The following PLLP variants were observed in gnomAD, a reference collection of about 807,000 sequenced individuals.
PLLP encodes the protein plasmolipin, also known as plasma membrane proteolipid (plasmolipin).
In PLLP, 15 loss-of-function variants were observed where a neutral mutation model predicts 19.7. The observed-to-expected ratio is 0.76, with a 90% CI of 0.51 to 1.17. The LOEUF (loss-of-function observed/expected upper bound fraction) is 1.17, where lower values mean the gene tolerates loss of function less well. Among genes scored for constraint, PLLP ranks in the 50% most tolerant of loss-of-function variants. The probability of loss-of-function intolerance (pLI) is 0.00; values close to 1 mark genes in which losing one functional copy is unlikely to be tolerated. For synonymous variants in PLLP, 111 were observed against 116.3 expected (o/e 0.95, Z 0.29); for missense variants, 255 against 258.3 (o/e 0.99, Z 0.09).
intron 1 of PLLP, among the ~76,000 whole-genome samples, chr16:57,263,056 C>T (rs192192016): frequency 8.1e-4 from 124 of 152,324 alleles, no homozygotes; most frequent in African/African-American, 2.9e-3. Flanking sequence ...GTAAAAGCTG[C>T]TGAAAGGAAG....
chr16:57,274,129 G>A (rs531479686), intron 1 of PLLP, among the ~76,000 whole-genome samples: 130 of 151,966 alleles, frequency 8.6e-4, no homozygotes, highest in Non-Finnish European at 1.5e-3. Flanking sequence ...TGGGACAGGC[G>A]CACACAACCA....
At chr16:57,269,238 G>A (rs1322116816) in intron 1 of PLLP, among the ~76,000 whole-genome samples, 1 of 152,204 alleles carries the variant, frequency 6.6e-6, no homozygotes, top group Non-Finnish European at 1.5e-5. Context: ...CCCAAAGGGA[G>A]GGGTTTGACC....
chr16:57,270,754 T>C (rs1353330906), intron 1 of PLLP, among the ~76,000 whole-genome samples: 2 of 152,048 alleles, frequency 1.3e-5, no homozygotes, highest in Non-Finnish European at 2.9e-5. Flanking sequence ...ATGCCATGCA[T>C]TCCAGCATTC....
At chr16:57,280,107 G>A (rs185822681) in intron 1 of PLLP, among the ~76,000 whole-genome samples, 3 of 152,294 alleles carry the variant, frequency 2.0e-5, no homozygotes, top group Admixed American at 1.3e-4. Context: ...GGCCCCTGAT[G>A]AGTCTCCCTT....
At position 57,256,640 on chromosome 16, in the gene PLLP, A is replaced by C; in HGVS notation, c.*273T>G. 6.7e-6 allele frequency: 3 copies of C among 448,514 alleles called. No individual in the cohort carries two copies. The highest frequency in any genetic ancestry group is 8.1e-6 in the Non-Finnish European group (2 of 246,604). The allele number at this position is 448,514 out of a possible 1,614,324, so 27.8% of individuals were successfully genotyped here. A position where few individuals can be genotyped will look rare whatever the true frequency, so the allele number is the denominator to read the frequency against. On this transcript the variant is annotated 3_prime_UTR_variant, in exon 4 of 4. Coordinates refer to ENST00000219207, the MANE Select transcript of PLLP (RefSeq NM_015993.3). ...CTGAAGTCCTCTAAAGACAAGGCAGAGACACAGCCTCAGATCCCCCGTCAT... is the reference window on the plus strand; with the variant it reads ...CTGAAGTCCTCTAAAGACAAGGCAGCGACACAGCCTCAGATCCCCCGTCAT...
intron 1 of PLLP, among the ~76,000 whole-genome samples, chr16:57,278,575 C>A (rs1901181675): frequency 6.6e-6 from 1 of 152,098 alleles, no homozygotes; most frequent in South Asian, 2.1e-4. Flanking sequence ...AATTCCCAAA[C>A]ACTCAATACT....
chr16:57,259,987 A>AG (rs1233513207), intron 2 of PLLP, among the ~76,000 whole-genome samples: 2 of 152,032 alleles, frequency 1.3e-5, no homozygotes, highest in East Asian at 1.9e-4. Flanking sequence ...AAAAAAAAAA[A>AG]AAAAAAACTT....
intron 3 of PLLP, 93 bp downstream of exon 3, chr16:57,258,369 G>A: frequency 6.0e-6 from 8 of 1,329,578 alleles, no homozygotes; most frequent in Non-Finnish European, 8.3e-6. Flanking sequence ...CCCTCAGGAG[G>A]TGGCAGGTGC....
Position 57,258,595 on chromosome 16 carries a change from T to C in PLLP, c.310-11A>G, listed in dbSNP as rs375832373. The C allele has an allele frequency of 1.4e-5, 23 of 1,611,008 alleles. No homozygotes were observed. In the African/African-American group the frequency reaches 2.9e-4, roughly 21 times the overall value. ...GTTAAAGATCATTAACTGCAGGACA[T>C]GGGGGTAGGGAGTGGGGAGAGAAAA... On this transcript the variant is annotated splice_polypyrimidine_tract_variant and intron_variant, in intron 2 of 3. Coordinates refer to ENST00000219207, the MANE Select transcript of PLLP (RefSeq NM_015993.3).
intron 1 of PLLP, among the ~76,000 whole-genome samples, chr16:57,283,109 A>T (rs1901239404): frequency 6.6e-6 from 1 of 152,072 alleles, no homozygotes; most frequent in Non-Finnish European, 1.5e-5. Context: ...CCCACCCCCC[A>T]AAAGAGAAAC....
At position 57,284,524 on chromosome 16, in the gene PLLP, G is replaced by A; in HGVS notation, c.17C>T (p.Ser6Leu). Residue 6 changes from serine to leucine, a missense_variant, in exon 1 of 4, where the codon TCG becomes TTG. By Grantham distance (145) the Ser-to-Leu change is moderately radical. Coordinates refer to ENST00000219207, the MANE Select transcript of PLLP (RefSeq NM_015993.3). MAEFP[S>L]KVSTRTSSPA... ...ACTGCTGGTCCGCGTGCTAACTTTC[G>A]ACGGGAACTCGGCCATGGCGGCTCC... 1.4e-6 allele frequency: 2 copies of A among 1,389,266 alleles called. No individual in the cohort carries two copies. The highest frequency in any genetic ancestry group is 1.5e-5 in the African/African-American group (1 of 67,230). The allele number at this position is 1,389,266 out of a possible 1,614,324, so 86.1% of individuals were successfully genotyped here.
At chr16:57,272,813 C>G (rs1022373933) in intron 1 of PLLP, among the ~76,000 whole-genome samples, 4 of 152,038 alleles carry the variant, frequency 2.6e-5, no homozygotes, top group African/African-American at 9.7e-5. Flanking sequence ...ACAAAATTAG[C>G]CAGGCATGGG....
chr16:57,262,150 A>G, intron 1 of PLLP, 80 bp from the exon 2 acceptor site: 1 of 1,393,852 alleles, frequency 7.2e-7, no homozygotes, highest in South Asian at 1.2e-5. Context: ...GGCCAGGCAC[A>G]GTGGCTCATG....
chr16:57,281,195 G>A (rs1369006330), intron 1 of PLLP, among the ~76,000 whole-genome samples: 15 of 152,320 alleles, frequency 9.8e-5, no homozygotes. Context: ...AAAGCCACAC[G>A]TGGTCATTAA....
chr16:57,256,455 G>C lies in PLLP; in HGVS notation c.*458C>G, dbSNP rs1200044278. ...TGGTTGAAACGGTGTTTAAAGGAAG[G>C]AGAGTGGTTTCACCAGCTTGCTCAG... On this transcript the variant is annotated 3_prime_UTR_variant, in exon 4 of 4. Transcript: ENST00000219207. The C allele has an allele frequency of 1.0e-5, 2 of 200,302 alleles. No individual in the cohort carries two copies. Among genetic ancestry groups the C allele is most frequent in the Non-Finnish European group, 2.0e-5 (2 of 100,536 alleles). 12.4% of individuals were successfully genotyped at this position (200,302 alleles called of 1,614,324 possible). A position where few individuals can be genotyped will look rare whatever the true frequency, so the allele number is the denominator to read the frequency against.
In PLLP at chr16:57,273,864, A is replaced by G. The variant is rs1597964039; in HGVS notation, c.135+10542T>C. 2.0e-5 allele frequency among the ~76,000 whole-genome samples: 3 copies of G among 152,216 alleles called. 1 individual carries two copies. Among genetic ancestry groups the G allele is most frequent in the South Asian group, 4.1e-4 (2 of 4,828 alleles). Reference sequence around the variant, plus strand: ...GAAAATCACCCAAGGTCCCTCAGCCATAACACTGAACTCAAGGCTATTGCT... The same window carrying G: ...GAAAATCACCCAAGGTCCCTCAGCCGTAACACTGAACTCAAGGCTATTGCT... On this transcript the variant is annotated intron_variant, in intron 1 of 3. Coordinates refer to ENST00000219207, the MANE Select transcript of PLLP (RefSeq NM_015993.3).
chr16:57,275,434 C>CTGTAT (rs1276336017), intron 1 of PLLP, among the ~76,000 whole-genome samples: 3 of 152,126 alleles, frequency 2.0e-5, no homozygotes, highest in Middle Eastern at 3.4e-3. Context: ...AGTGGGAAAC[C>CTGTAT]TGTATTATCT....
chr16:57,266,164 T>C (rs949189045), intron 1 of PLLP, among the ~76,000 whole-genome samples: 1 of 152,176 alleles, frequency 6.6e-6, no homozygotes, highest in African/African-American at 2.4e-5. Context: ...CAGTCTGGGC[T>C]GGGCACCCAG....
chr16:57,259,101 G>A (rs969154249), intron 2 of PLLP, among the ~76,000 whole-genome samples: 14 of 152,178 alleles, frequency 9.2e-5, no homozygotes, highest in African/African-American at 3.4e-4. Context: ...TGGTCCCCAG[G>A]AGGCCTGCTG....
Sources: gnomAD v4.1 joint callset for allele counts (sites outside exome capture counted in the v4.1 genomes callset) on GRCh38, gnomAD v4.1.1 for gene constraint, MANE v1.5 for transcripts, NCBI Gene and HGNC (gene_info 2026-07-23, HGNC 2026-07-21) for gene names.